Variants in SGK3 observed in about 807,000 individuals in gnomAD.
SGK3 encodes the protein serine/threonine-protein kinase Sgk3.
SGK3 carries 47 observed loss-of-function variants against 68.5 expected under a neutral mutation model. That is an observed-to-expected ratio of 0.69 (90% CI 0.54 to 0.87). The LOEUF (loss-of-function observed/expected upper bound fraction) is 0.87, where lower values mean the gene tolerates loss of function less well. Ranked by LOEUF, SGK3 falls within the 40% of genes least tolerant of loss-of-function variation. SGK3 has a pLI of 0.00. For synonymous variants in SGK3, 181 were observed against 189.1 expected (o/e 0.96, Z 0.35); for missense variants, 479 against 575.5 (o/e 0.83, Z 1.72).
chr8:66,835,186 C>T (rs759073266), intron 8 of SGK3, among the ~76,000 whole-genome samples: 9 of 152,148 alleles, frequency 5.9e-5, no homozygotes, highest in Non-Finnish European at 1.3e-4. Flanking sequence ...AGGATGATCA[C>T]CTGAGCCTTG....
chr8:66,737,747 C>G (rs965807093), intron 1 of SGK3: 1 of 151,828 alleles, frequency 6.6e-6, no homozygotes, highest in Non-Finnish European at 1.5e-5. Context: ...TCCAGAGTAG[C>G]TGGGACTACA....
intron 1 of SGK3, among the ~76,000 whole-genome samples, chr8:66,726,556 A>G (rs1238675924): frequency 6.6e-6 from 1 of 152,164 alleles, no homozygotes; most frequent in African/African-American, 2.4e-5. Flanking sequence ...TAATGTTTTA[A>G]TCTAGAAACT....
chr8:66,839,931 A>G, intron 10 of SGK3, 72 bp from the exon 11 acceptor site: 2 of 1,344,602 alleles, frequency 1.5e-6, no homozygotes, highest in Non-Finnish European at 2.1e-6. Flanking sequence ...TTTACCGAAT[A>G]TATTTGTTTA....
At chr8:66,798,730 T>C in intron 3 of SGK3, 105 bp downstream of exon 3, 2 of 961,112 alleles carry the variant, frequency 2.1e-6, no homozygotes, top group South Asian at 2.1e-5. Context: ...TATGTTAATA[T>C]GTCAGACAGG....
chr8:66,778,613 C>T (rs114132710), intron 1 of SGK3, among the ~76,000 whole-genome samples: 3,233 of 152,222 alleles, frequency 0.021, 73 homozygotes, highest in South Asian at 0.045. Context: ...GTTTTTTAAA[C>T]AAACATGAAC....
chr8:66,851,359 CA>C (rs921406063), intron 16 of SGK3, among the ~76,000 whole-genome samples: 1 of 150,316 alleles, frequency 6.7e-6, no homozygotes, highest in African/African-American at 2.4e-5. Flanking sequence ...ACTAAAAATA[CA>C]AAAAAAAATT....
At chr8:66,807,483 A>AT (rs769665977) in intron 4 of SGK3, among the ~76,000 whole-genome samples, 12 of 152,106 alleles carry the variant, frequency 7.9e-5, no homozygotes, top group Non-Finnish European at 1.5e-4. Context: ...CTAAAAACTG[A>AT]TTTTTTTGAA....
At chr8:66,737,043 A>G (rs1265119981) in intron 1 of SGK3, among the ~76,000 whole-genome samples, 1 of 149,472 alleles carries the variant, frequency 6.7e-6, no homozygotes, top group Non-Finnish European at 1.5e-5. Context: ...CTCCCAAAGT[A>G]TTGGGATTAC....
intron 10 of SGK3, among the ~76,000 whole-genome samples, chr8:66,838,341 G>A (rs1171219802): frequency 1.3e-5 from 2 of 152,160 alleles, no homozygotes; most frequent in Non-Finnish European, 2.9e-5. Flanking sequence ...TGGAATTAAA[G>A]GCGTGAGCGA....
At chr8:66,782,141 G>C (rs1807012569) in intron 1 of SGK3, among the ~76,000 whole-genome samples, 1 of 152,162 alleles carries the variant, frequency 6.6e-6, no homozygotes, top group African/African-American at 2.4e-5. Context: ...TCTTACAGTA[G>C]ACTTTCAGTA....
chr8:66,824,129 T>G (rs183089924), intron 6 of SGK3, among the ~76,000 whole-genome samples: 17 of 152,248 alleles, frequency 1.1e-4, no homozygotes, highest in Admixed American at 1.1e-3. Context: ...AAGAAGATTC[T>G]CAGTTAAGAG....
intron 1 of SGK3, 55 bp from the exon 2 acceptor site, chr8:66,793,561 C>T: frequency 1.8e-6 from 1 of 544,762 alleles, no homozygotes; most frequent in Non-Finnish European, 3.2e-6. Flanking sequence ...GAATGACAGT[C>T]ATAGTATTTT....
At chr8:66,785,710 T>G (rs182170659) in intron 1 of SGK3, among the ~76,000 whole-genome samples, 1 of 152,206 alleles carries the variant, frequency 6.6e-6, no homozygotes, top group Non-Finnish European at 1.5e-5. Flanking sequence ...CTCCTAAGAT[T>G]TGGCTGGCCT....
chr8:66,786,644 C>A (rs1807210789), intron 1 of SGK3, among the ~76,000 whole-genome samples: 1 of 152,144 alleles, frequency 6.6e-6, no homozygotes, highest in African/African-American at 2.4e-5. Flanking sequence ...GATTTAACCG[C>A]TTTATGTTTT....
At chr8:66,733,099 G>A (rs1194520428) in intron 1 of SGK3, among the ~76,000 whole-genome samples, 1 of 152,106 alleles carries the variant, frequency 6.6e-6, no homozygotes, top group Non-Finnish European at 1.5e-5. Flanking sequence ...CGGTATTATT[G>A]GAGGGGATAG....
intron 6 of SGK3, among the ~76,000 whole-genome samples, chr8:66,825,423 G>A (rs113252221): frequency 7.6e-4 from 114 of 150,978 alleles, no homozygotes; most frequent in African/African-American, 2.5e-3. Flanking sequence ...CCGCCTCCCA[G>A]GTTCATTCCA....
chr8:66,788,008 G>C (rs1807279868), intron 1 of SGK3, among the ~76,000 whole-genome samples: 1 of 152,162 alleles, frequency 6.6e-6, no homozygotes, highest in Non-Finnish European at 1.5e-5. Flanking sequence ...TCCCTGAGTG[G>C]GGCTGCCTTT....
intron 1 of SGK3, among the ~76,000 whole-genome samples, chr8:66,744,445 T>C (rs1286265509): frequency 7.0e-6 from 1 of 143,622 alleles, no homozygotes; most frequent in Non-Finnish European, 1.5e-5. Context: ...TGTTATTTGG[T>C]GAAATTATCA....
Position 66,824,064 on chromosome 8 carries a change from CAT to C in SGK3, c.417+1608_417+1609del, listed in dbSNP as rs1267366681. On this transcript the variant is annotated intron_variant, in intron 6 of 16. Transcript: ENST00000521198. ...CTAAAACCTTCATTTTGAAAAAAGA[CAT>C]ATTCCTTTTTTGTGACTACTGGAAA... 9.9e-5 allele frequency among the ~76,000 whole-genome samples: 15 copies of C among 151,984 alleles called. 1 individual carries two copies. The highest frequency in any genetic ancestry group is 9.8e-4 in the Admixed American group (15 of 15,244).
Sources: gnomAD v4.1 joint callset for allele counts (sites outside exome capture counted in the v4.1 genomes callset) on GRCh38, gnomAD v4.1.1 for gene constraint, MANE v1.5 for transcripts, NCBI Gene and HGNC (gene_info 2026-07-23, HGNC 2026-07-21) for gene names.